Variants in ANO3 observed in about 807,000 individuals in gnomAD.
The protein encoded by ANO3 is anoctamin 3.
Under a neutral mutation model 144.8 loss-of-function variants are expected in ANO3, and 99 were observed. The ratio of observed to expected loss-of-function variants is 0.68; its 90% CI spans 0.58 to 0.81. ANO3 has a LOEUF of 0.81. Among genes scored for constraint, ANO3 ranks in the 30% least tolerant of loss-of-function variants. The pLI is 0.00. For synonymous variants in ANO3, 414 were observed against 392.6 expected (o/e 1.05, Z -0.64); for missense variants, 905 against 1,202.2 (o/e 0.75, Z 3.66).
chr11:26,536,343 T>C (rs953945931), intron 9 of ANO3, among the ~76,000 whole-genome samples: 13 of 150,948 alleles, frequency 8.6e-5, no homozygotes, highest in Non-Finnish European at 1.8e-4. Context: ...AGAAAGAAAC[T>C]GAAAATAATG....
chr11:26,425,886 T>C lies in ANO3; in HGVS notation c.47-16032T>C, dbSNP rs145827507. 1.1e-4 allele frequency among the ~76,000 whole-genome samples: 16 copies of C among 152,206 alleles called. 1 individual carries two copies. Among genetic ancestry groups the C allele is most frequent in the African/African-American group, 3.9e-4 (16 of 41,538 alleles). On this transcript the variant is annotated intron_variant, in intron 1 of 26. Coordinates refer to ENST00000256737, the MANE Select transcript of ANO3 (RefSeq NM_031418.4). The stretch of plus-strand genomic sequence containing the variant: ...TGGATGGTGTTTTAGGAGTTTTCAA[T>C]TGGTTAATGGATACATAATTTGGTG...
chr11:26,241,350 G>C (rs1437216490), intron 1 of ANO3, among the ~76,000 whole-genome samples: 1 of 152,156 alleles, frequency 6.6e-6, no homozygotes, highest in Non-Finnish European at 1.5e-5. Context: ...TCTGGATTTA[G>C]ACAGAAAAGT....
chr11:26,227,504 T>C (rs749889938), intron 1 of ANO3, among the ~76,000 whole-genome samples: 1 of 152,186 alleles, frequency 6.6e-6, no homozygotes, highest in Admixed American at 6.5e-5. Flanking sequence ...TATTAGTAAA[T>C]GCTGTGAAAC....
chr11:26,236,887 A>C (rs1452504720), intron 1 of ANO3, among the ~76,000 whole-genome samples: 1 of 151,906 alleles, frequency 6.6e-6, no homozygotes, highest in Admixed American at 6.6e-5. Flanking sequence ...TTAGCTATCT[A>C]TACCACATTA....
intron 14 of ANO3, among the ~76,000 whole-genome samples, chr11:26,579,617 G>A (rs1184727390): frequency 6.6e-6 from 1 of 152,164 alleles, no homozygotes; most frequent in Non-Finnish European, 1.5e-5. Context: ...CTCAATTTTT[G>A]TGCTGAATTA....
intron 1 of ANO3, among the ~76,000 whole-genome samples, chr11:26,275,474 G>A (rs1853537698): frequency 6.6e-6 from 1 of 152,022 alleles, no homozygotes; most frequent in Non-Finnish European, 1.5e-5. Flanking sequence ...TTGACTAAAT[G>A]CTGAAGCCCA....
chr11:26,381,986 A>G (rs959723967), intron 1 of ANO3, among the ~76,000 whole-genome samples: 1 of 152,184 alleles, frequency 6.6e-6, no homozygotes, highest in Admixed American at 6.6e-5. Flanking sequence ...TTTTGAATAT[A>G]GGATTATTCT....
intron 14 of ANO3, among the ~76,000 whole-genome samples, chr11:26,584,209 A>C (rs1329160819): frequency 6.6e-6 from 1 of 151,966 alleles, no homozygotes; most frequent in Non-Finnish European, 1.5e-5. Flanking sequence ...GCCAGGCTGG[A>C]GTGCAATGGC....
chr11:26,435,158 C>G (rs955803919), intron 1 of ANO3, among the ~76,000 whole-genome samples: 1 of 152,104 alleles, frequency 6.6e-6, no homozygotes, highest in African/African-American at 2.4e-5. Context: ...GAATTCTTTA[C>G]CATTATGTAA....
intron 5 of ANO3, among the ~76,000 whole-genome samples, chr11:26,510,426 G>GA (rs1047191279): frequency 6.0e-5 from 9 of 151,018 alleles, no homozygotes; most frequent in African/African-American, 1.7e-4. Context: ...AGTACTTATT[G>GA]AAAAAAAAAT....
chr11:26,583,077 T>TATTTAATATGC (rs1851177463), intron 14 of ANO3, among the ~76,000 whole-genome samples: 1 of 152,260 alleles, frequency 6.6e-6, no homozygotes, highest in Admixed American at 6.5e-5. Flanking sequence ...CTGAAATGTC[T>TATTTAATATGC]ATTTAATATG....
intron 14 of ANO3, among the ~76,000 whole-genome samples, chr11:26,569,544 C>T (rs995204309): frequency 1.3e-5 from 2 of 151,996 alleles, no homozygotes; most frequent in African/African-American, 2.4e-5. Context: ...AGAACCCCAC[C>T]ATGAAATTTT....
intron 4 of ANO3, among the ~76,000 whole-genome samples, chr11:26,500,675 G>A (rs896615288): frequency 6.6e-6 from 1 of 151,844 alleles, no homozygotes; most frequent in Non-Finnish European, 1.5e-5. Flanking sequence ...AGTTATAAGA[G>A]TTGTTTACAT....
chr11:26,252,663 C>A (rs891701282), intron 1 of ANO3, among the ~76,000 whole-genome samples: 1 of 152,136 alleles, frequency 6.6e-6, no homozygotes, highest in Non-Finnish European at 1.5e-5. Flanking sequence ...TCCCTCTCCC[C>A]CAACATAAAC....
At chr11:26,316,094 A>G (rs1233045082) in intron 1 of ANO3, among the ~76,000 whole-genome samples, 1 of 152,226 alleles carries the variant, frequency 6.6e-6, no homozygotes, top group African/African-American at 2.4e-5. Context: ...TATTTACCCT[A>G]GATGTGGTCT....
chr11:26,549,252 A>G (rs148246913), intron 12 of ANO3, among the ~76,000 whole-genome samples: 1 of 151,958 alleles, frequency 6.6e-6, no homozygotes. Context: ...TCTTTTCTTC[A>G]GTGTTGTATG....
rs185724667 is a variant in ANO3 at position 26,611,037 on chromosome 11, T to C, written c.1836+11323T>C. Among the ~76,000 whole-genome samples the C allele has an allele frequency of 4.8e-4, 73 of 152,252 alleles. No individual in the cohort carries two copies. The East Asian group carries it at 0.014, about 29-fold the overall frequency. ...TTTAGGTCTTTCCTCTTTTTTTCTG[T>C]GGTGACTCTAAGATTTCTCATATTT... On this transcript the variant is annotated intron_variant, in intron 17 of 26. Coordinates refer to ENST00000256737, the MANE Select transcript of ANO3 (RefSeq NM_031418.4).
At chr11:26,379,192 CA>C (rs1856510227) in intron 1 of ANO3, among the ~76,000 whole-genome samples, 1 of 152,068 alleles carries the variant, frequency 6.6e-6, no homozygotes, top group Non-Finnish European at 1.5e-5. Context: ...CAGGTTTTTA[CA>C]ATGAGAAGAT....
chr11:26,218,666 T>C (rs1261657043), intron 1 of ANO3, among the ~76,000 whole-genome samples: 1 of 152,218 alleles, frequency 6.6e-6, no homozygotes, highest in Non-Finnish European at 1.5e-5. Context: ...AGGAATTTTA[T>C]ACAAGTAAAT....
Sources: gnomAD v4.1 joint callset for allele counts (sites outside exome capture counted in the v4.1 genomes callset) on GRCh38, gnomAD v4.1.1 for gene constraint, MANE v1.5 for transcripts, NCBI Gene and HGNC (gene_info 2026-07-23, HGNC 2026-07-21) for gene names.